The following NCALD variants were observed in gnomAD, a reference collection of about 807,000 sequenced individuals.
NCALD encodes neurocalcin delta.
In NCALD, 10 loss-of-function variants were observed where a neutral mutation model predicts 18.6. The ratio of observed to expected loss-of-function variants is 0.54; its 90% CI spans 0.33 to 0.91. The LOEUF (loss-of-function observed/expected upper bound fraction) is 0.91. Ranked by LOEUF, NCALD falls within the 40% of genes least tolerant of loss-of-function variation. The pLI is 0.03. For missense variants in NCALD, 184 were observed against 247.6 expected, an observed-to-expected ratio of 0.74 and a Z score of 1.72; for synonymous variants, 88 against 87.4, an observed-to-expected ratio of 1.01 and a Z score of -0.04.
At chr8:102,081,413 ATCCT>A (rs1404504423) in intron 1 of NCALD, among the ~76,000 whole-genome samples, 2 of 152,092 alleles carry the variant, frequency 1.3e-5, no homozygotes, top group Non-Finnish European at 2.9e-5. Context: ...TAGAAAATTG[ATCCT>A]TAATGTCGTT....
chr8:101,963,498 T>C (rs530403180), intron 2 of NCALD, among the ~76,000 whole-genome samples: 1 of 152,316 alleles, frequency 6.6e-6, no homozygotes, highest in East Asian at 1.9e-4. Flanking sequence ...TGGCATCACT[T>C]TCCACAATGA....
chr8:101,761,419 A>C (rs1021755719), intron 1 of NCALD, among the ~76,000 whole-genome samples: 4 of 152,112 alleles, frequency 2.6e-5, no homozygotes, highest in Non-Finnish European at 5.9e-5. Context: ...CCCACTTATG[A>C]CTATGTTGCC....
chr8:101,871,115 A>G (rs555778713), intron 4 of NCALD, among the ~76,000 whole-genome samples: 1 of 152,238 alleles, frequency 6.6e-6, no homozygotes, highest in East Asian at 1.9e-4. Flanking sequence ...GGTTTTTCCT[A>G]AATTCATCCC....
At chr8:102,070,900 C>G (rs1824161954) in intron 1 of NCALD, among the ~76,000 whole-genome samples, 1 of 152,132 alleles carries the variant, frequency 6.6e-6, no homozygotes, top group South Asian at 2.1e-4. Flanking sequence ...TCACAAACTC[C>G]TAGTGTATAA....
chr8:101,887,893 T>C (rs1816730501), intron 3 of NCALD, among the ~76,000 whole-genome samples: 2 of 152,192 alleles, frequency 1.3e-5, no homozygotes, highest in Admixed American at 1.3e-4. Context: ...ATCATTTGAT[T>C]CTAGACAATT....
At chr8:101,957,900 A>T (rs1819696162) in intron 2 of NCALD, among the ~76,000 whole-genome samples, 1 of 152,244 alleles carries the variant, frequency 6.6e-6, no homozygotes, top group African/African-American at 2.4e-5. Context: ...CCCACAGCAG[A>T]GGTCCCTTAC....
At chr8:101,808,741 A>G (rs1174187062) in intron 4 of NCALD, among the ~76,000 whole-genome samples, 2 of 152,124 alleles carry the variant, frequency 1.3e-5, no homozygotes, top group Admixed American at 6.6e-5. Context: ...GGTGACTACC[A>G]CTGTAGACCA....
intron 3 of NCALD, among the ~76,000 whole-genome samples, chr8:101,890,823 T>C (rs534862973): frequency 1.3e-5 from 2 of 152,292 alleles, no homozygotes; most frequent in African/African-American, 4.8e-5. Context: ...CCAGAGAAAC[T>C]CTTGCACACT....
At chr8:102,086,822 T>C (rs1824753228) in intron 1 of NCALD, among the ~76,000 whole-genome samples, 1 of 152,118 alleles carries the variant, frequency 6.6e-6, no homozygotes, top group African/African-American at 2.4e-5. Context: ...AAGATACAGG[T>C]CATAAATATA....
chr8:101,698,891 C>T (rs117214810), intron 2 of NCALD, among the ~76,000 whole-genome samples: 80 of 152,028 alleles, frequency 5.3e-4, no homozygotes, highest in Non-Finnish European at 6.0e-4. Flanking sequence ...ATGATGAAAA[C>T]GCCAAAAGCA....
chr8:101,873,108 TG>T (rs762175870), intron 4 of NCALD, among the ~76,000 whole-genome samples: 1 of 152,260 alleles, frequency 6.6e-6, no homozygotes, highest in Non-Finnish European at 1.5e-5. Flanking sequence ...CGTGTTCCTT[TG>T]CCATTGACTT....
chr8:101,719,656 TAGAAA>T lies in NCALD; in HGVS notation c.-19-13_-19-9del. ...CTGGCGGCAAGAATTCAGCTGCAGA[TAGAAA>T]AGAAAACATATATAATTTGTAGAGC... On this transcript the variant is annotated splice_polypyrimidine_tract_variant and intron_variant, in intron 1 of 3. Coordinates refer to ENST00000220931, the MANE Select transcript of NCALD (RefSeq NM_032041.3). 6.5e-7 allele frequency: 1 copy of T among 1,539,004 alleles called. No individual in the cohort carries two copies. Among genetic ancestry groups the T allele is most frequent in the East Asian group, 2.3e-5 (1 of 44,294 alleles).
chr8:102,054,280 G>A (rs1482634515), intron 1 of NCALD, among the ~76,000 whole-genome samples: 5 of 152,010 alleles, frequency 3.3e-5, no homozygotes, highest in Non-Finnish European at 7.4e-5. Context: ...ATATTTGGTC[G>A]AACGCCAGTC....
intron 1 of NCALD, among the ~76,000 whole-genome samples, chr8:101,788,263 T>A (rs1281549417): frequency 6.6e-6 from 1 of 152,208 alleles, no homozygotes; most frequent in African/African-American, 2.4e-5. Flanking sequence ...CAGGGGTGGA[T>A]AAAATTCAAG....
At chr8:101,810,262 C>T (rs1813257101) in intron 4 of NCALD, among the ~76,000 whole-genome samples, 1 of 152,118 alleles carries the variant, frequency 6.6e-6, no homozygotes, top group Non-Finnish European at 1.5e-5. Context: ...TTACTTAACC[C>T]CTTTATGCCT....
chr8:102,117,033 C>A (rs1023457396), intron 1 of NCALD, among the ~76,000 whole-genome samples: 1 of 152,106 alleles, frequency 6.6e-6, no homozygotes, highest in Non-Finnish European at 1.5e-5. Context: ...AACCTCATGC[C>A]CAAGAATGCT....
intron 4 of NCALD, among the ~76,000 whole-genome samples, chr8:101,810,252 T>G (rs775812050): frequency 6.6e-6 from 1 of 152,224 alleles, no homozygotes; most frequent in Non-Finnish European, 1.5e-5. Context: ...TTAGGACAAT[T>G]TACTTAACCC....
At chr8:101,799,859 C>T (rs966039661) in intron 4 of NCALD, among the ~76,000 whole-genome samples, 10 of 152,136 alleles carry the variant, frequency 6.6e-5, no homozygotes, top group African/African-American at 2.4e-4. Context: ...TTGACTGTAT[C>T]AATATCAATA....
At chr8:102,098,230 A>AC (rs11447051) in intron 1 of NCALD, among the ~76,000 whole-genome samples, 152,279 of 152,280 alleles carry the variant, frequency 1, 76,139 homozygotes, top group Middle Eastern at 1. Flanking sequence ...ATGTCCCCTT[A>AC]CCTCTGGCTT....
Sources: gnomAD v4.1 joint callset for allele counts (sites outside exome capture counted in the v4.1 genomes callset) on GRCh38, gnomAD v4.1.1 for gene constraint, MANE v1.5 for transcripts, NCBI Gene and HGNC (gene_info 2026-07-23, HGNC 2026-07-21) for gene names.